Variants in SP6 observed in about 807,000 individuals in gnomAD.
SP6 encodes the protein Sp6 transcription factor, also known as transcription factor Sp6.
In SP6, 10 loss-of-function variants were observed where a neutral mutation model predicts 23.4. The ratio of observed to expected loss-of-function variants is 0.43; its 90% CI spans 0.26 to 0.72. The LOEUF is 0.72. Among genes scored for constraint, SP6 ranks in the 30% least tolerant of loss-of-function variants. The probability of loss-of-function intolerance (pLI) is 0.23; values close to 1 mark genes in which losing one functional copy is unlikely to be tolerated. For synonymous variants in SP6, 238 were observed against 238.7 expected, an observed-to-expected ratio of 1.00 and a Z score of 0.03; for missense variants, 482 against 523.8, an observed-to-expected ratio of 0.92 and a Z score of 0.78.
At chr17:47,864,099 C>T in the SP6 span, among the ~76,000 whole-genome samples, 37 of 151,406 alleles carry the variant, frequency 2.4e-4, 1 homozygote, top group African/African-American at 2.2e-4. Flanking sequence ...TCACCTTGGC[C>T]TCCCAAAGTG....
upstream of SP6, among the ~76,000 whole-genome samples, chr17:47,852,485 CCT>C (rs929318209): frequency 6.6e-6 from 1 of 152,068 alleles, no homozygotes; most frequent in African/African-American, 2.4e-5. Flanking sequence ...AGATTCGTCT[CCT>C]CTGTGCGCTT....
the SP6 span, among the ~76,000 whole-genome samples, chr17:47,873,009 C>G: frequency 6.6e-6 from 1 of 152,166 alleles, no homozygotes; most frequent in Non-Finnish European, 1.5e-5. Flanking sequence ...TGTGGCCACA[C>G]AACTGGCAAC....
In SP6 at chr17:47,847,814, G is replaced by T; in HGVS notation, c.616C>A (p.Leu206Met). ...CCTTTGGGACGCGCCGCCCCGTCCA[G>T]GCTGGAATCCAGCCCTTGAGACTCC... is the stretch of plus-strand genomic sequence containing the variant. ...APESQGLDSS[L>M]DGAARPKGSR... The change falls in exon 2 of 2, where the codon CTG becomes ATG. Residue 206 changes from leucine (L) to methionine (M), a missense_variant. Leu to Met is a conservative substitution (Grantham distance 15). Around this residue, in one of 3 missense-constraint regions of SP6, gnomAD observed 330 missense variants for 332.3 expected, o/e 0.99. Coordinates refer to ENST00000536300, the MANE Select transcript of SP6 (RefSeq NM_001258248.2). 4 of 1,531,882 alleles carry T rather than the reference G, an allele frequency of 2.6e-6. No homozygotes were observed. The highest frequency in any genetic ancestry group is 3.5e-6 in the Non-Finnish European group (4 of 1,143,276). 94.9% of individuals were successfully genotyped at this position (1,531,882 alleles called of 1,614,324 possible). A position where few individuals can be genotyped will look rare whatever the true frequency, so the allele number is the denominator to read the frequency against.
chr17:47,873,193 G>T, the SP6 span, among the ~76,000 whole-genome samples: 1 of 152,126 alleles, frequency 6.6e-6, no homozygotes, highest in Non-Finnish European at 1.5e-5. Context: ...TTGGAAGAAG[G>T]CCAGGCCTGA....
chr17:47,856,108 T>C (rs1418044732), upstream of SP6, among the ~76,000 whole-genome samples: 1 of 152,220 alleles, frequency 6.6e-6, no homozygotes, highest in East Asian at 1.9e-4. Flanking sequence ...AGTTCCATTT[T>C]TGAGACCTGA....
the SP6 span, among the ~76,000 whole-genome samples, chr17:47,869,629 C>G: frequency 4.6e-5 from 7 of 152,202 alleles, no homozygotes; most frequent in African/African-American, 1.2e-4. Context: ...AAACACAGTG[C>G]ATGATCTCAC....
upstream of SP6, among the ~76,000 whole-genome samples, chr17:47,854,711 T>C (rs2033985690): frequency 6.6e-6 from 1 of 152,176 alleles, no homozygotes. Flanking sequence ...TATGAGAATA[T>C]CAAAGCTGGT....
chr17:47,873,987 T>C, the SP6 span, among the ~76,000 whole-genome samples: 1 of 150,838 alleles, frequency 6.6e-6, no homozygotes, highest in African/African-American at 2.4e-5. Flanking sequence ...TTCTTCTTCC[T>C]CTTCCTCTTT....
At chr17:47,849,589 T>A (rs1295139619) in intron 1 of SP6, among the ~76,000 whole-genome samples, 1 of 152,202 alleles carries the variant, frequency 6.6e-6, no homozygotes, top group Non-Finnish European at 1.5e-5. Context: ...ATCTTCTTAT[T>A]TTGAAGAGAA....
Position 47,846,996 on chromosome 17 carries a change from G to A in SP6, c.*303C>T. 5.0e-6 allele frequency: 2 copies of A among 397,604 alleles called. No individual in the cohort carries two copies. Among genetic ancestry groups the A allele is most frequent in the East Asian group, 4.2e-5 (1 of 23,614 alleles). The allele number at this position is 397,604 out of a possible 1,614,324, so 24.6% of individuals were successfully genotyped here. ...TGTCTCCTCTAGCCTGTCCCCGCCA[G>A]CCAGCCGCGGTACGGGTGTCCCACC... On this transcript the variant is annotated 3_prime_UTR_variant, in exon 2 of 2. Transcript: ENST00000536300.
In SP6 at chr17:47,848,536, T is replaced by TC; in HGVS notation, c.-57-51dup. ...AGTAAGGGAAATAACCAGCTCACTT[T>TC]CCCTCCTAACCCAGGTCCTCCTCTC... On this transcript the variant is annotated intron_variant, in intron 1 of 1. Coordinates refer to ENST00000536300, the MANE Select transcript of SP6 (RefSeq NM_001258248.2). This position sits in a 1 kb window ranked among gnomAD's most constrained non-coding sequence, Gnocchi z 5.3. 1.8e-6 allele frequency: 2 copies of TC among 1,105,820 alleles called. No individual in the cohort carries two copies. The highest frequency in any genetic ancestry group is 2.5e-6 in the Non-Finnish European group (2 of 790,510). 68.5% of individuals were successfully genotyped at this position (1,105,820 alleles called of 1,614,324 possible). A position where few individuals can be genotyped will look rare whatever the true frequency, so the allele number is the denominator to read the frequency against.
the SP6 span, among the ~76,000 whole-genome samples, chr17:47,861,774 G>A: frequency 6.6e-6 from 1 of 151,990 alleles, no homozygotes; most frequent in Non-Finnish European, 1.5e-5. Flanking sequence ...AGCCAGCCAC[G>A]GTGGCTCACA....
the SP6 span, among the ~76,000 whole-genome samples, chr17:47,861,770 C>T: frequency 6.6e-6 from 1 of 151,988 alleles, no homozygotes; most frequent in Non-Finnish European, 1.5e-5. Flanking sequence ...AGGCAGCCAG[C>T]CACGGTGGCT....
chr17:47,863,736 G>GT, the SP6 span, among the ~76,000 whole-genome samples: 800 of 84,386 alleles, frequency 9.5e-3, 21 homozygotes, highest in African/African-American at 0.041. Flanking sequence ...GCCTAATTTT[G>GT]TATTTTTTTT....
At chr17:47,870,828 C>T in the SP6 span, among the ~76,000 whole-genome samples, 3 of 152,140 alleles carry the variant, frequency 2.0e-5, no homozygotes, top group African/African-American at 4.8e-5. Flanking sequence ...CCTCCTCCTG[C>T]GCTGAACTCA....
rs2033923943 is a variant in SP6, at chr17:47,848,675, G to A, written c.-57-189C>T. Among the ~76,000 whole-genome samples the A allele has an allele frequency of 1.3e-5, 2 of 152,124 alleles. No homozygotes were observed. The highest frequency in any genetic ancestry group is 1.3e-4 in the Admixed American group (2 of 15,282). On this transcript the variant is annotated intron_variant, in intron 1 of 1. Transcript: ENST00000536300. This position sits in a 1 kb window ranked among gnomAD's most constrained non-coding sequence, Gnocchi z 5.3. ...TGTGAGGTTCTCATCCAAGCACAGA[G>A]GATGATGGAGGTCTACCTTCCTCTG... is the stretch of plus-strand genomic sequence containing the variant.
At chr17:47,867,916 T>C in the SP6 span, among the ~76,000 whole-genome samples, 1 of 151,906 alleles carries the variant, frequency 6.6e-6, no homozygotes, top group Non-Finnish European at 1.5e-5. Context: ...TGCCTGTGTG[T>C]CCCCCAACCA....
At position 47,845,536 on chromosome 17, in the gene SP6, C is replaced by T. The variant is rs1021416017; in HGVS notation, c.*1763G>A. On this transcript the variant is annotated 3_prime_UTR_variant, in exon 2 of 2. Transcript: ENST00000536300. ...ACATATTCCCACCCAGATCCCAGCC[C>T]CCACTTCCCATATAGCTCCCAGACC... 1.2e-4 allele frequency: 18 copies of T among 152,556 alleles called. No individual in the cohort carries two copies. The allele number at this position is 152,556 out of a possible 1,614,324, so 9.5% of individuals were successfully genotyped here.
chr17:47,867,628 C>T, the SP6 span, among the ~76,000 whole-genome samples: 1 of 152,228 alleles, frequency 6.6e-6, no homozygotes, highest in African/African-American at 2.4e-5. Context: ...ACCCCCACCC[C>T]CATGGACCCA....
Sources: gnomAD v4.1 joint callset for allele counts (sites outside exome capture counted in the v4.1 genomes callset) on GRCh38, gnomAD v4.1.1 for gene constraint, gnomAD v4.1.1 regional missense constraint, Gnocchi (gnomAD v3.1) non-coding constraint, MANE v1.5 for transcripts, NCBI Gene and HGNC (gene_info 2026-07-23, HGNC 2026-07-21) for gene names.